The following ANK2 variants were observed in gnomAD, a reference collection of about 807,000 sequenced individuals.
The protein encoded by ANK2 is ankyrin 2.
ANK2 carries 83 observed loss-of-function variants against 360.5 expected under a neutral mutation model. The observed-to-expected ratio is 0.23, with a 90% CI of 0.19 to 0.28. The LOEUF (loss-of-function observed/expected upper bound fraction) is 0.28, where lower values mean the gene tolerates loss of function less well. Ranked by LOEUF, ANK2 falls within the 10% of genes least tolerant of loss-of-function variation. The pLI is 1.00. For missense variants in ANK2, 4,201 were observed against 4,795.7 expected (o/e 0.88, Z 3.66); for synonymous variants, 1,740 against 1,759.5 (o/e 0.99, Z 0.28).
At chr4:113,003,916 T>G (rs1026618127) in intron 2 of ANK2, among the ~76,000 whole-genome samples, 5 of 152,230 alleles carry the variant, frequency 3.3e-5, no homozygotes, top group African/African-American at 4.8e-5. Flanking sequence ...TACTGAATAC[T>G]GTAGCAATCA....
At chr4:113,220,771 T>A (rs190087641) in intron 4 of ANK2, among the ~76,000 whole-genome samples, 1 of 152,286 alleles carries the variant, frequency 6.6e-6, no homozygotes, top group Non-Finnish European at 1.5e-5. Context: ...TAAATTCAAA[T>A]GTTGAATAAA....
At chr4:112,980,521 A>G (rs970850071) in intron 2 of ANK2, 1 of 152,248 alleles carries the variant, frequency 6.6e-6, no homozygotes, top group Non-Finnish European at 1.5e-5. Context: ...GCCATCAACA[A>G]TAGATTGCTG....
intron 2 of ANK2, among the ~76,000 whole-genome samples, chr4:113,190,297 G>A (rs1185554121): frequency 6.6e-6 from 1 of 151,982 alleles, no homozygotes; most frequent in African/African-American, 2.4e-5. Flanking sequence ...TTTTTGTAGA[G>A]ACAGGGCTCT....
At chr4:112,744,349 A>AT in the ANK2 span, among the ~76,000 whole-genome samples, 4,483 of 140,038 alleles carry the variant, frequency 0.032, 245 homozygotes, top group African/African-American at 0.1. Flanking sequence ...TTAGGATATG[A>AT]TTTTTTTTTT....
intron 1 of ANK2, among the ~76,000 whole-genome samples, chr4:112,851,812 C>T (rs148419486): frequency 5.9e-4 from 90 of 152,128 alleles, no homozygotes; most frequent in African/African-American, 2.1e-3. Context: ...TTAGTAGAGA[C>T]GAGGTTTCAC....
intron 2 of ANK2, among the ~76,000 whole-genome samples, chr4:112,960,090 A>T (rs939780136): frequency 6.6e-6 from 1 of 152,206 alleles, no homozygotes; most frequent in Non-Finnish European, 1.5e-5. Context: ...TAGAGACAAA[A>T]GTTTTTGTGT....
intron 1 of ANK2, among the ~76,000 whole-genome samples, chr4:112,873,771 C>CCT: frequency 6.6e-6 from 1 of 150,810 alleles, no homozygotes; most frequent in Non-Finnish European, 1.5e-5. Context: ...GTCTTGATCT[C>CCT]GACCTCGTGA....
At chr4:112,954,275 C>T (rs1347833921) in intron 2 of ANK2, among the ~76,000 whole-genome samples, 2 of 142,482 alleles carry the variant, frequency 1.4e-5, no homozygotes, top group African/African-American at 2.5e-5. Flanking sequence ...TCCTTCCTTC[C>T]TTTTCAATAA....
intron 21 of ANK2, chr4:113,293,223 G>A: frequency 2.9e-6 from 2 of 679,144 alleles, no homozygotes; most frequent in Admixed American, 4.1e-5. Flanking sequence ...AGAGCAAGCA[G>A]ATGCAAGCTT....
intron 2 of ANK2, among the ~76,000 whole-genome samples, chr4:113,190,783 C>A (rs1396799726): frequency 1.3e-5 from 2 of 152,028 alleles, no homozygotes; most frequent in Admixed American, 6.5e-5. Context: ...TAGAACAGAA[C>A]CTGACACAGA....
At position 113,355,172 on chromosome 4, in the gene ANK2, A is replaced by G. The variant is rs1283759975; in HGVS notation, c.6554A>G (p.Asp2185Gly). The change falls in exon 38 of 46, where the codon GAT (aspartate) becomes GGT (glycine). Residue 2185 changes from aspartate (D) to glycine (G), a missense_variant. Around this residue, in one of 4 missense-constraint regions of ANK2, gnomAD observed 2,642 missense variants for 2,714.5 expected, o/e 0.97. Coordinates refer to ENST00000357077, the MANE Select transcript of ANK2 (RefSeq NM_001148.6). ...ACATTTCCACTCGACTACATGAAAG[A>G]TGAGTTCCTTCCAGCTCTGTCTTTA... ...NTTFPLDYMKDEFLPALSLQS... is the reference protein window; with the variant it reads ...NTTFPLDYMKGEFLPALSLQS... The G allele has an allele frequency of 5.0e-6, 8 of 1,614,054 alleles. No individual in the cohort carries two copies. The African/African-American group carries it at 9.3e-5, about 19-fold the overall frequency.
intron 2 of ANK2, among the ~76,000 whole-genome samples, chr4:113,017,000 C>T (rs998600897): frequency 4.6e-5 from 7 of 152,164 alleles, no homozygotes; most frequent in East Asian, 1.9e-4. Flanking sequence ...TCTACTATCC[C>T]GTTCACTTCA....
At chr4:113,267,860 T>C (rs1468713009) in intron 14 of ANK2, among the ~76,000 whole-genome samples, 1 of 152,200 alleles carries the variant, frequency 6.6e-6, no homozygotes, top group African/African-American at 2.4e-5. Flanking sequence ...ATTTTCACAA[T>C]ATTAATTCTT....
intron 2 of ANK2, among the ~76,000 whole-genome samples, chr4:113,035,000 A>G (rs1459184835): frequency 6.6e-6 from 1 of 151,818 alleles, no homozygotes; most frequent in Non-Finnish European, 1.5e-5. Flanking sequence ...AACCTTGAGA[A>G]CCTCATCGTT....
intron 2 of ANK2, among the ~76,000 whole-genome samples, chr4:112,913,717 A>T (rs187921931): frequency 7.6e-4 from 116 of 152,314 alleles, no homozygotes; most frequent in African/African-American, 2.3e-3. Context: ...AGTTGTACAG[A>T]TATACCTGTT....
rs926513533 is a variant in ANK2 at position 113,143,301 on chromosome 4, G to A, written c.85-31115G>A. On this transcript the variant is annotated intron_variant, in intron 1 of 45. Coordinates refer to ENST00000357077, the MANE Select transcript of ANK2 (RefSeq NM_001148.6). ...AAAGCTTTAAAATTAAAGGCATGGC[G>A]GTGGAATGGGTATTGTATTAATGAG... 2.0e-4 allele frequency among the ~76,000 whole-genome samples: 7 copies of A among 34,150 alleles called. No individual in the cohort carries two copies. In the South Asian group the frequency reaches 3.0e-3, roughly 15 times the overall value. The allele number at this position is 34,150 out of a possible 152,430, so 22.4% of individuals were successfully genotyped here. A position where few individuals can be genotyped will look rare whatever the true frequency, so the allele number is the denominator to read the frequency against.
At chr4:113,320,023 A>G (rs1489203635) in intron 26 of ANK2, among the ~76,000 whole-genome samples, 2 of 152,220 alleles carry the variant, frequency 1.3e-5, no homozygotes, top group Non-Finnish European at 2.9e-5. Context: ...GAATCTGTGC[A>G]TGCCAATACT....
chr4:113,254,673 C>G (rs1235896719), intron 10 of ANK2, among the ~76,000 whole-genome samples: 1 of 152,176 alleles, frequency 6.6e-6, no homozygotes, highest in African/African-American at 2.4e-5. Flanking sequence ...GTCACATATA[C>G]TCTACCACAA....
intron 5 of ANK2, among the ~76,000 whole-genome samples, chr4:113,235,585 C>A (rs2099365575): frequency 6.6e-6 from 1 of 151,894 alleles, no homozygotes; most frequent in African/African-American, 2.4e-5. Context: ...CACGCCACCA[C>A]ATTCATCTAA....
Sources: allele counts gnomAD v4.1 joint callset (sites outside exome capture counted in the v4.1 genomes callset), GRCh38; gene constraint gnomAD v4.1.1; regional missense constraint gnomAD v4.1.1; transcripts MANE v1.5; gene names NCBI Gene and HGNC (gene_info 2026-07-23, HGNC 2026-07-21).